WDR20: variants seen among roughly 807,000 people sequenced by gnomAD.
WDR20 encodes WD repeat-containing protein 20.
In WDR20, 3 loss-of-function variants were observed where a neutral mutation model predicts 38.7. That is an observed-to-expected ratio of 0.08 (90% CI 0.04 to 0.20). WDR20 has a LOEUF of 0.20. Ranked by LOEUF, WDR20 falls within the 10% of genes least tolerant of loss-of-function variation. The pLI is 1.00. For missense variants in WDR20, 559 were observed against 727.7 expected (o/e 0.77, Z 2.67); for synonymous variants, 298 against 285.6 (o/e 1.04, Z -0.44).
chr14:102,202,742 A>ATATT (rs1228352421), intron 2 of WDR20, among the ~76,000 whole-genome samples: 2 of 149,564 alleles, frequency 1.3e-5, no homozygotes, highest in African/African-American at 2.5e-5. Context: ...TTCCTTGGAG[A>ATATT]TATTTATTTA....
At chr14:102,210,867 G>C (rs962525248), downstream of WDR20, among the ~76,000 whole-genome samples, 3 of 152,096 alleles carry the variant, frequency 2.0e-5, no homozygotes, top group African/African-American at 7.2e-5. Context: ...TTTGGGCTTC[G>C]TCCCCCGCAG....
intron 1 of WDR20, among the ~76,000 whole-genome samples, chr14:102,184,813 C>G (rs1334103281): frequency 6.6e-6 from 1 of 152,192 alleles, no homozygotes; most frequent in African/African-American, 2.4e-5. Flanking sequence ...GTCTAATTCT[C>G]TGTGCCGCCT....
At chr14:102,145,615 T>C (rs2152688011) in intron 1 of WDR20, among the ~76,000 whole-genome samples, 1 of 152,140 alleles carries the variant, frequency 6.6e-6, no homozygotes, top group East Asian at 1.9e-4. Flanking sequence ...TGAAACCCTG[T>C]CTCTACAAGG....
chr14:102,159,304 T>G (rs2058142395), intron 1 of WDR20, among the ~76,000 whole-genome samples: 1 of 152,084 alleles, frequency 6.6e-6, no homozygotes, highest in Non-Finnish European at 1.5e-5. Flanking sequence ...CTCAGCTACT[T>G]CTTAGAGCAA....
intron 1 of WDR20, among the ~76,000 whole-genome samples, chr14:102,154,757 C>G (rs1360117569): frequency 6.6e-6 from 1 of 151,988 alleles, no homozygotes; most frequent in East Asian, 1.9e-4. Context: ...ACTTTGTTGC[C>G]TTTTTGTTTG....
rs1057186335 is a variant in WDR20 at position 102,222,933 on chromosome 14, T to C, written c.*50T>C. On this transcript the variant is annotated 3_prime_UTR_variant, in exon 4 of 4. Coordinates refer to the WDR20 transcript ENST00000335263. This position sits in a 1 kb window ranked among gnomAD's most constrained non-coding sequence, Gnocchi z 4.4. The stretch of plus-strand genomic sequence containing the variant: ...CTCCCGGGACTTGGACTCGAGGGAG[T>C]GACGAGGAGGAGCTCCGAGCTGCGC... 2 of 1,607,496 alleles carry C rather than the reference T, an allele frequency of 1.2e-6. No individual in the cohort carries two copies. Among genetic ancestry groups the C allele is most frequent in the African/African-American group, 1.3e-5 (1 of 74,614 alleles).
chr14:102,204,805 C>T (rs985464888), intron 2 of WDR20, among the ~76,000 whole-genome samples: 4 of 152,208 alleles, frequency 2.6e-5, no homozygotes, highest in Non-Finnish European at 5.9e-5. Context: ...GTGAAAAGTG[C>T]GTGTGTGCAA....
At chr14:102,224,037 AT>A (rs533802492), downstream of WDR20, among the ~76,000 whole-genome samples, 555 of 123,098 alleles carry the variant, frequency 4.5e-3, no homozygotes, top group African/African-American at 0.012. Context: ...TTTACCTGAG[AT>A]TTTTTTTTTT....
chr14:102,176,006 C>A (rs1364071128), intron 1 of WDR20, among the ~76,000 whole-genome samples: 2 of 152,108 alleles, frequency 1.3e-5, no homozygotes, highest in African/African-American at 4.8e-5. Flanking sequence ...CAAACAGCAG[C>A]AGTTTGACTT....
In WDR20 at chr14:102,209,440, T is replaced by A; in HGVS notation, c.1270T>A (p.Ser424Thr). 6.2e-7 allele frequency: 1 copy of A among 1,614,210 alleles called. No individual in the cohort carries two copies. Among genetic ancestry groups the A allele is most frequent in the Non-Finnish European group, 8.5e-7 (1 of 1,180,042 alleles). ...GAACAGTGTTACAACACCCGGGAACTCTGTGCCGCCTCCTCTGCCACGGTC... is the reference window on the plus strand; with the variant it reads ...GAACAGTGTTACAACACCCGGGAACACTGTGCCGCCTCCTCTGCCACGGTC... ...NGNSVTTPGN[S>T]VPPPLPRSNS... The change falls in exon 3 of 3, where the codon TCT (serine) becomes ACT (threonine). Residue 424 changes from serine to threonine, a missense_variant. Coordinates refer to ENST00000342702, the MANE Select transcript of WDR20 (RefSeq NM_144574.4). The surrounding 1 kb of genome is among the most constrained non-coding windows in gnomAD (Gnocchi z 6.0).
At chr14:102,205,643 A>G (rs896106737) in intron 2 of WDR20, among the ~76,000 whole-genome samples, 26 of 152,244 alleles carry the variant, frequency 1.7e-4, no homozygotes, top group African/African-American at 6.0e-4. Context: ...CTGCCCACAG[A>G]CACTGCTGCC....
chr14:102,201,624 G>A (rs2060401501), intron 2 of WDR20, among the ~76,000 whole-genome samples: 1 of 152,204 alleles, frequency 6.6e-6, no homozygotes. Context: ...GGAGGGCCGC[G>A]CTGAGCGTTG....
upstream of WDR20, chr14:102,139,505 A>AG: frequency 1.6e-6 from 2 of 1,278,660 alleles, no homozygotes; most frequent in Non-Finnish European, 2.1e-6. Context: ...CCCTCAGGGC[A>AG]GGGCGGGAGA....
At position 102,140,178 on chromosome 14, in the gene WDR20, G is replaced by T. The variant is rs1217468556; in HGVS notation, c.249+6G>T. ...TCTACAAGGGGGTCCGCAAGGTACC[G>T]ACCCGGGCGTCACCGGAGCCAGCCA... is the stretch of plus-strand genomic sequence containing the variant. On this transcript the variant is annotated splice_donor_region_variant and intron_variant, in intron 1 of 2. Transcript: ENST00000342702. 13 of 1,610,244 alleles carry T rather than the reference G, an allele frequency of 8.1e-6. No homozygotes were observed. Among genetic ancestry groups the T allele is most frequent in the Non-Finnish European group, 1.0e-5 (12 of 1,179,810 alleles).
rs75426082 is a variant in WDR20, at chr14:102,205,804, G to GT, written c.433-2785dup. ...CACAATACAGGTGGATCCAAGGTCG[G>GT]TTTTTTTTTTTTTTGGTCTGCGGTT... On this transcript the variant is annotated intron_variant, in intron 2 of 2. Coordinates refer to ENST00000342702, the MANE Select transcript of WDR20 (RefSeq NM_144574.4). 4.0e-3 allele frequency among the ~76,000 whole-genome samples: 555 copies of GT among 139,970 alleles called. 2 individuals carry two copies. Among genetic ancestry groups the GT allele is most frequent in the Middle Eastern group, 0.014 (4 of 278 alleles). The allele number at this position is 139,970 out of a possible 152,430, so 91.8% of individuals were successfully genotyped here. A position where few individuals can be genotyped will look rare whatever the true frequency, so the allele number is the denominator to read the frequency against.
chr14:102,165,365 CAA>C, intron 1 of WDR20, among the ~76,000 whole-genome samples: 1 of 152,176 alleles, frequency 6.6e-6, no homozygotes, highest in South Asian at 2.1e-4. Flanking sequence ...AAATTTTTTT[CAA>C]AGAGTCAGCT....
intron 1 of WDR20, among the ~76,000 whole-genome samples, chr14:102,141,052 T>C (rs1397575240): frequency 1.3e-5 from 2 of 152,214 alleles, no homozygotes; most frequent in Non-Finnish European, 2.9e-5. Flanking sequence ...AAGCATCCTT[T>C]AAAAGTATCT....
chr14:102,139,436 GC>G (rs2050187036), upstream of WDR20: 1 of 1,509,912 alleles, frequency 6.6e-7, no homozygotes, highest in Non-Finnish European at 8.9e-7. Flanking sequence ...CCGCGTGCTG[GC>G]TCCGAAGCGG....
intron 1 of WDR20, among the ~76,000 whole-genome samples, chr14:102,176,756 C>T (rs954956242): frequency 6.6e-6 from 1 of 150,476 alleles, no homozygotes; most frequent in South Asian, 2.1e-4. Context: ...TTTTTTGAAA[C>T]GGAGTCTTGC....
Sources: allele counts gnomAD v4.1 joint callset (sites outside exome capture counted in the v4.1 genomes callset), GRCh38; gene constraint gnomAD v4.1.1; non-coding constraint Gnocchi (gnomAD v3.1); transcripts MANE v1.5; gene names NCBI Gene and HGNC (gene_info 2026-07-23, HGNC 2026-07-21).